Variants in SCN9A observed in about 807,000 individuals in gnomAD.
SCN9A encodes sodium voltage-gated channel alpha subunit 9.
A neutral mutation model predicts 187.0 loss-of-function variants in SCN9A; 131 were observed. The ratio of observed to expected loss-of-function variants is 0.70; its 90% confidence interval spans 0.61 to 0.81. SCN9A has a LOEUF of 0.81. Among genes scored for constraint, SCN9A ranks in the 30% least tolerant of loss-of-function variants. The probability of loss-of-function intolerance (pLI) is 0.00; values close to 1 mark genes in which losing one functional copy is unlikely to be tolerated. For missense variants in SCN9A, 2,252 were observed against 2,396.6 expected (o/e 0.94, Z 1.26); for synonymous variants, 809 against 808.6 (o/e 1.00, Z -0.01).
chr2:166,318,030 A>T (rs556487424), intron 1 of SCN9A, among the ~76,000 whole-genome samples: 56 of 152,300 alleles, frequency 3.7e-4, no homozygotes, highest in African/African-American at 1.3e-3. Flanking sequence ...TAATCCATGG[A>T]TTATTTATTC....
chr2:166,213,667 A>G (rs1040249288), intron 24 of SCN9A, among the ~76,000 whole-genome samples: 2 of 152,282 alleles, frequency 1.3e-5, no homozygotes, highest in Admixed American at 6.5e-5. Flanking sequence ...AATTATTCTC[A>G]TATCAAAGCC....
intron 18 of SCN9A, among the ~76,000 whole-genome samples, chr2:166,246,415 T>C (rs1452758233): frequency 6.6e-6 from 1 of 151,990 alleles, no homozygotes; most frequent in Non-Finnish European, 1.5e-5. Flanking sequence ...TTATGTATCA[T>C]CCTATACTTA....
intron 1 of SCN9A, among the ~76,000 whole-genome samples, chr2:166,330,156 C>G (rs1699466287): frequency 6.6e-6 from 1 of 152,038 alleles, no homozygotes; most frequent in Non-Finnish European, 1.5e-5. Flanking sequence ...TAATATCAAC[C>G]AAAGTTCCTG....
intron 20 of SCN9A, 39 bp downstream of exon 20, chr2:166,238,053 AAG>A: frequency 6.8e-7 from 1 of 1,472,834 alleles, no homozygotes; most frequent in South Asian, 1.2e-5. Flanking sequence ...AACACACAGT[AAG>A]AATAAATCCT....
In SCN9A at chr2:166,284,708, A is replaced by G. The variant is rs371499151; in HGVS notation, c.1719T>C (p.Asp573=). ...DIGSETEFAD[D]EHSIFGDNES... ...CATTGTCTCCAAAAATGCTGTGCTC[A>G]TCATCGGCAAATTCAGTCTCAGATC... The change falls in exon 12 of 27, where the codon GAT becomes GAC. Residue 573 remains aspartate, a synonymous_variant. Coordinates refer to ENST00000642356, the MANE Select transcript of SCN9A (RefSeq NM_001365536.1). 4 of 1,613,900 alleles carry G rather than the reference A, an allele frequency of 2.5e-6. No homozygotes were observed. Among genetic ancestry groups the G allele is most frequent in the Non-Finnish European group, 3.4e-6 (4 of 1,179,888 alleles).
intron 6 of SCN9A, 146 bp downstream of exon 6, chr2:166,304,092 A>G (rs1235778115): frequency 5.0e-6 from 8 of 1,613,504 alleles, no homozygotes; most frequent in Admixed American, 1.7e-5. Flanking sequence ...ATGCTGAGAC[A>G]TTGCCCAGGT....
In SCN9A at chr2:166,233,440, G is replaced by C; in HGVS notation, c.3824C>G (p.Ala1275Gly). Reference protein sequence around the residue: ...IVDVSLVTLVANTLGYSDLGP... With the variant: ...IVDVSLVTLVGNTLGYSDLGP... ...AAGATCTGAGTAGCCAAGAGTGTTT[G>C]CCACTAAAGTAACCAAAGAAACCTA... The change falls in exon 21 of 27, where the codon GCA (alanine) becomes GGA (glycine). Residue 1275 changes from alanine (A) to glycine (G), a missense_variant. By Grantham distance (60) the Ala-to-Gly change is moderately conservative (BLOSUM62 0). Transcript: ENST00000642356. The C allele has an allele frequency of 6.4e-7, 1 of 1,571,112 alleles. No individual in the cohort carries two copies. Among genetic ancestry groups the C allele is most frequent in the Non-Finnish European group, 8.6e-7 (1 of 1,166,252 alleles).
chr2:166,286,352 A>C lies in SCN9A; in HGVS notation c.1586T>G (p.Leu529Trp). The C allele has an allele frequency of 6.2e-7, 1 of 1,609,076 alleles. No individual in the cohort carries two copies. The highest frequency in any genetic ancestry group is 8.5e-7 in the Non-Finnish European group (1 of 1,178,356). ...EGHRRAHEKRLSTPNQSPLSI... is the reference protein window; with the variant it reads ...EGHRRAHEKRWSTPNQSPLSI... The stretch of plus-strand genomic sequence containing the variant: ...GGGTGGTACCTGATTGGGGGTAGAC[A>C]ACCTCTTTTCATGTGCTCGCCTATG... Residue 529 changes from leucine (L) to tryptophan (W), a missense_variant, in exon 11 of 27, where the codon TTG becomes TGG. This residue lies in a region of SCN9A where 1,013 missense variants were observed against 997.4 expected (regional missense o/e 1.02). Transcript: ENST00000642356.
chr2:166,224,985 T>G (rs1018206729), intron 24 of SCN9A, among the ~76,000 whole-genome samples: 1 of 152,148 alleles, frequency 6.6e-6, no homozygotes, highest in African/African-American at 2.4e-5. Flanking sequence ...TCATGGAGTC[T>G]TAATAAACAT....
At chr2:166,259,719 A>T (rs1350632952) in intron 17 of SCN9A, among the ~76,000 whole-genome samples, 5 of 151,774 alleles carry the variant, frequency 3.3e-5, no homozygotes, top group Non-Finnish European at 7.4e-5. Flanking sequence ...TATTTAATTA[A>T]TTTTGACATT....
intron 17 of SCN9A, among the ~76,000 whole-genome samples, chr2:166,271,811 T>C (rs1697000873): frequency 6.6e-6 from 1 of 151,664 alleles, no homozygotes; most frequent in Non-Finnish European, 1.5e-5. Context: ...TAAGCTATGA[T>C]AGCACCACTG....
At position 166,286,569 on chromosome 2, in the gene SCN9A, C is replaced by G. The variant is rs1559012880; in HGVS notation, c.1369G>C (p.Gly457Arg). 6.3e-7 allele frequency: 1 copy of G among 1,599,968 alleles called. No homozygotes were observed. The highest frequency in any genetic ancestry group is 1.8e-5 in the Admixed American group (1 of 56,872). The change falls in exon 11 of 27, where the codon GGC becomes CGC. Residue 457 changes from glycine to arginine, a missense_variant. Gly to Arg is a moderately radical substitution (Grantham distance 125, BLOSUM62 -2). Around this residue, in one of 7 missense-constraint regions of SCN9A, gnomAD observed 1,013 missense variants for 997.4 expected, o/e 1.02. Coordinates refer to ENST00000642356, the MANE Select transcript of SCN9A (RefSeq NM_001365536.1). The stretch of plus-strand genomic sequence containing the variant: ...GTTTCAGAAGAACTCTCTGAGAGGC[C>G]CATAATTCTGCTTCTCCTAATACTT... Reference protein sequence around the residue: ...YTSIRRSRIMGLSESSSETSK... With the variant: ...YTSIRRSRIMRLSESSSETSK...
intron 24 of SCN9A, among the ~76,000 whole-genome samples, chr2:166,225,725 C>G (rs533188167): frequency 6.6e-6 from 1 of 152,182 alleles, no homozygotes; most frequent in African/African-American, 2.4e-5. Flanking sequence ...GGAGTGGGCT[C>G]TTAATCCAGT....
intron 1 of SCN9A, among the ~76,000 whole-genome samples, chr2:166,360,727 A>C (rs12692794): frequency 0.3 from 45,954 of 152,126 alleles, 9,453 homozygotes; most frequent in African/African-American, 0.59. Context: ...CATGTAGAAT[A>C]GAAATGGTTT....
intron 1 of SCN9A, among the ~76,000 whole-genome samples, chr2:166,356,925 T>A (rs2105307796): frequency 6.6e-6 from 1 of 152,280 alleles, no homozygotes; most frequent in East Asian, 1.9e-4. Flanking sequence ...CTCATTAGTT[T>A]TTTTCTTTTT....
chr2:166,367,803 A>T (rs1160202890), intron 1 of SCN9A, among the ~76,000 whole-genome samples: 2 of 152,214 alleles, frequency 1.3e-5, no homozygotes, highest in Non-Finnish European at 2.9e-5. Flanking sequence ...TACTCTTTTC[A>T]TAATGTCTTC....
rs199748300 is a variant in SCN9A, at chr2:166,284,808, C to T, written c.1619G>A (p.Arg540His). Residue 540 changes from arginine to histidine, a missense_variant, in exon 12 of 27, where the codon CGT becomes CAT. Physicochemically the swap from Arg to His is conservative, Grantham distance 29 (BLOSUM62 0). This residue lies in a region of SCN9A where 1,013 missense variants were observed against 997.4 expected (regional missense o/e 1.02). Coordinates refer to ENST00000642356, the MANE Select transcript of SCN9A (RefSeq NM_001365536.1). ...TCGCCTTGCAGAAAACAAGGAGCCACGAATGCTGAGTGGTGACTGCAGAAA... is the reference window on the plus strand; with the variant it reads ...TCGCCTTGCAGAAAACAAGGAGCCATGAATGCTGAGTGGTGACTGCAGAAA... ...STPNQSPLSI[R>H]GSLFSARRSS... The T allele has an allele frequency of 4.7e-5, 76 of 1,610,838 alleles. No homozygotes were observed. The Middle Eastern group carries it at 8.2e-4, about 17-fold the overall frequency.
chr2:166,278,411 G>T (rs1190105243), intron 14 of SCN9A, 98 bp from the exon 15 acceptor site: 4 of 1,012,936 alleles, frequency 3.9e-6, no homozygotes, highest in Non-Finnish European at 5.6e-6. Context: ...CTGTGTTCCA[G>T]ACAGTTTGCT....
At chr2:166,301,082 T>G (rs953382036) in intron 7 of SCN9A, 24 of 149,190 alleles carry the variant, frequency 1.6e-4, no homozygotes, top group African/African-American at 5.1e-4. Context: ...TTTTTTGTAT[T>G]TTTAGTAGAG....
Sources: gnomAD v4.1 joint callset for allele counts (sites outside exome capture counted in the v4.1 genomes callset) on GRCh38, gnomAD v4.1.1 for gene constraint, gnomAD v4.1.1 regional missense constraint, MANE v1.5 for transcripts, NCBI Gene and HGNC (gene_info 2026-07-23, HGNC 2026-07-21) for gene names.